The following AFAP1 variants were observed in gnomAD, a reference collection of about 807,000 sequenced individuals.
The protein encoded by AFAP1 is actin filament-associated protein 1.
Under a neutral mutation model 93.9 loss-of-function variants are expected in AFAP1, and 75 were observed. That is an observed-to-expected ratio of 0.80 (90% confidence interval 0.66 to 0.97). The LOEUF is 0.97. AFAP1 is among the 50% of genes least tolerant of loss of function. AFAP1 has a pLI of 0.00. For missense variants in AFAP1, 1,201 were observed against 1,050.8 expected (o/e 1.14, Z -1.98); for synonymous variants, 517 against 430.7 (o/e 1.20, Z -2.48).
At chr4:7,929,107 TC>T (rs1329283118) in intron 1 of AFAP1, among the ~76,000 whole-genome samples, 1 of 152,230 alleles carries the variant, frequency 6.6e-6, no homozygotes, top group Non-Finnish European at 1.5e-5. Context: ...GCTACATTTC[TC>T]ATGCAGGGCA....
intron 1 of AFAP1, among the ~76,000 whole-genome samples, chr4:7,933,172 G>A (rs965264432): frequency 2.6e-5 from 4 of 152,084 alleles, no homozygotes; most frequent in Admixed American, 6.5e-5. Context: ...TCTAACCCCC[G>A]AGACCTGTGA....
Position 7,901,615 on chromosome 4 carries a change from G to C in AFAP1, c.-2-29535C>G, listed in dbSNP as rs536680307. On this transcript the variant is annotated intron_variant, in intron 1 of 17. Coordinates refer to ENST00000420658, the MANE Select transcript of AFAP1 (RefSeq NM_001134647.2). ...CGCACAGGAGGGAAAAGATAGGGAA[G>C]GTAGGGAAGAGGGCAGGTGCAGAGC... Among the ~76,000 whole-genome samples the C allele has an allele frequency of 3.3e-5, 5 of 152,306 alleles. No individual in the cohort carries two copies. The South Asian group carries it at 8.3e-4, about 25-fold the overall frequency.
intron 6 of AFAP1, among the ~76,000 whole-genome samples, chr4:7,821,179 A>T (rs1389636157): frequency 6.6e-6 from 1 of 152,176 alleles, no homozygotes; most frequent in Non-Finnish European, 1.5e-5. Context: ...AAAGTATTTA[A>T]TCTCTCAGAG....
chr4:7,848,120 GAAGGAAGGGAGTGAGT>G (rs1713967701), intron 4 of AFAP1, among the ~76,000 whole-genome samples: 1 of 138,872 alleles, frequency 7.2e-6, no homozygotes, highest in Non-Finnish European at 1.5e-5. Flanking sequence ...AGGAAGGAAG[GAAGGAAGGGAGTGAGT>G]GAGGGAGTGA....
Position 7,819,168 on chromosome 4 carries a change from T to C in AFAP1, c.730A>G (p.Ile244Val), listed in dbSNP as rs769626283. 4 of 1,609,540 alleles carry C rather than the reference T, an allele frequency of 2.5e-6. No individual in the cohort carries two copies. Among genetic ancestry groups the C allele is most frequent in the Non-Finnish European group, 3.4e-6 (4 of 1,178,648 alleles). Residue 244 changes from isoleucine (I) to valine (V), a missense_variant, in exon 7 of 18, where the codon ATC (isoleucine) becomes GTC (valine). Physicochemically the swap from Ile to Val is conservative, Grantham distance 29. Coordinates refer to ENST00000420658, the MANE Select transcript of AFAP1 (RefSeq NM_001134647.2). ...CTACAACCACTGTAGGCTTCTTTGA[T>C]CACCTATAAAAAGCACAGACACTTT... ...KEQAEQWLKV[I>V]KEAYSGCSGP...
At chr4:7,908,385 A>C (rs1719550084) in intron 1 of AFAP1, among the ~76,000 whole-genome samples, 1 of 152,228 alleles carries the variant, frequency 6.6e-6, no homozygotes, top group Non-Finnish European at 1.5e-5. Context: ...GGCAGGGATC[A>C]TATATTATCA....
At chr4:7,924,726 G>T (rs1720636027) in intron 1 of AFAP1, among the ~76,000 whole-genome samples, 1 of 152,036 alleles carries the variant, frequency 6.6e-6, no homozygotes, top group African/African-American at 2.4e-5. Flanking sequence ...GCCCGCCCAG[G>T]ACACCAACCC....
intron 9 of AFAP1, among the ~76,000 whole-genome samples, chr4:7,801,931 A>AAAAAAAAC (rs1560167816): frequency 1.3e-5 from 2 of 150,974 alleles, no homozygotes; most frequent in African/African-American, 4.9e-5. Flanking sequence ...AAAAAAAAAA[A>AAAAAAAAC]AAAAAAAAAA....
chr4:7,769,408 G>A (rs1241874188), intron 16 of AFAP1, among the ~76,000 whole-genome samples: 4 of 152,216 alleles, frequency 2.6e-5, no homozygotes. Flanking sequence ...AGATGCTCAG[G>A]TAGCAGAAAG....
chr4:7,810,935 G>A (rs766059220), intron 8 of AFAP1, among the ~76,000 whole-genome samples: 2 of 152,326 alleles, frequency 1.3e-5, no homozygotes, highest in African/African-American at 2.4e-5. Context: ...GGCTCTGTCC[G>A]TGACCTCCGG....
At chr4:7,819,523 T>C (rs144535848) in intron 6 of AFAP1, among the ~76,000 whole-genome samples, 136 of 152,054 alleles carry the variant, frequency 8.9e-4, no homozygotes, top group Non-Finnish European at 1.5e-3. Context: ...GAACAAAAGA[T>C]AGTGGGTGGC....
chr4:7,880,947 T>C (rs1227072672), intron 1 of AFAP1, among the ~76,000 whole-genome samples: 1 of 152,180 alleles, frequency 6.6e-6, no homozygotes, highest in East Asian at 1.9e-4. Flanking sequence ...CACACTTTAC[T>C]GATGTGCAAA....
rs761990626 is a variant in AFAP1 at position 7,761,782 on chromosome 4, CAGCTGCCTGCAATGGTGGGAA to C, written c.*1962_*1982del. ...CATTTTGTGTGATATGAAGTGGGCC[CAGCTGCCTGCAATGGTGGGAA>C]GTCTGCCTGCAATGGTGGGAAGTGA... On this transcript the variant is annotated 3_prime_UTR_variant, in exon 18 of 18. Transcript: ENST00000420658. 1 of 152,248 alleles carries C rather than the reference CAGCTGCCTGCAATGGTGGGAA, an allele frequency of 6.6e-6. No individual in the cohort carries two copies. The highest frequency in any genetic ancestry group is 1.9e-4 in the East Asian group (1 of 5,196). 9.4% of individuals were successfully genotyped at this position (152,248 alleles called of 1,614,324 possible). A position where few individuals can be genotyped will look rare whatever the true frequency, so the allele number is the denominator to read the frequency against.
At chr4:7,882,617 T>G (rs565348372) in intron 1 of AFAP1, among the ~76,000 whole-genome samples, 3 of 152,154 alleles carry the variant, frequency 2.0e-5, no homozygotes, top group African/African-American at 7.2e-5. Flanking sequence ...TCTCAGCACT[T>G]TGGAAGGCCG....
At chr4:7,879,622 T>C (rs1399924770) in intron 1 of AFAP1, among the ~76,000 whole-genome samples, 1 of 151,972 alleles carries the variant, frequency 6.6e-6, no homozygotes, top group Non-Finnish European at 1.5e-5. Flanking sequence ...GCATATATTT[T>C]ATACATTAGA....
At chr4:7,858,390 T>C (rs1715305043) in intron 3 of AFAP1, among the ~76,000 whole-genome samples, 1 of 152,142 alleles carries the variant, frequency 6.6e-6, no homozygotes, top group Non-Finnish European at 1.5e-5. Flanking sequence ...ATAATACTGC[T>C]AAAGAATCAC....
intron 1 of AFAP1, among the ~76,000 whole-genome samples, chr4:7,903,376 A>T (rs953834820): frequency 1.1e-4 from 17 of 152,234 alleles, no homozygotes; most frequent in African/African-American, 3.9e-4. Context: ...GGGTGACGCT[A>T]GCGTTACAAA....
chr4:7,902,814 G>A (rs186377645), intron 1 of AFAP1, among the ~76,000 whole-genome samples: 256 of 152,286 alleles, frequency 1.7e-3, no homozygotes, highest in Admixed American at 2.7e-3. Flanking sequence ...GCAGTGGCCT[G>A]GAGCGCTCCT....
At chr4:7,821,911 AAAG>A (rs1424175607) in intron 6 of AFAP1, among the ~76,000 whole-genome samples, 2 of 152,226 alleles carry the variant, frequency 1.3e-5, no homozygotes, top group South Asian at 2.1e-4. Flanking sequence ...AAAGAAAATG[AAAG>A]AAGAAACCCA....
Sources: gnomAD v4.1 joint callset for allele counts (sites outside exome capture counted in the v4.1 genomes callset) on GRCh38, gnomAD v4.1.1 for gene constraint, MANE v1.5 for transcripts, NCBI Gene and HGNC (gene_info 2026-07-23, HGNC 2026-07-21) for gene names.